Variants in BIRC6 observed in about 807,000 individuals in gnomAD.
BIRC6 encodes the protein baculoviral IAP repeat containing 6.
A neutral mutation model predicts 503.3 loss-of-function variants in BIRC6; 98 were observed. That is an observed-to-expected ratio of 0.19 (90% CI 0.17 to 0.23). The LOEUF (loss-of-function observed/expected upper bound fraction) is 0.23. Among genes scored for constraint, BIRC6 ranks in the 10% least tolerant of loss-of-function variants. The pLI, the probability that BIRC6 is intolerant of heterozygous loss-of-function variation, is 1.00. For synonymous variants in BIRC6, 2,240 were observed against 2,078.7 expected, an observed-to-expected ratio of 1.08 and a Z score of -2.11; for missense variants, 5,360 against 5,806.0, an observed-to-expected ratio of 0.92 and a Z score of 2.50.
chr2:32,562,594 T>G (rs1244078418), intron 65 of BIRC6, among the ~76,000 whole-genome samples: 3 of 152,232 alleles, frequency 2.0e-5, no homozygotes, highest in African/African-American at 7.2e-5. Context: ...CTATTAATCC[T>G]GCATCCCTTC....
In BIRC6 at chr2:32,607,070, G is replaced by C. The variant is rs189119275; in HGVS notation, c.14071-385G>C. ...ATGCTCCTTAAGAACAGTTTGAGCA[G>C]AATGTTGCTATGAGTTGTTTAAACT... is the stretch of plus-strand genomic sequence containing the variant. On this transcript the variant is annotated intron_variant, in intron 71 of 73. Coordinates refer to ENST00000421745, the MANE Select transcript of BIRC6 (RefSeq NM_016252.4). Among the ~76,000 whole-genome samples the C allele has an allele frequency of 1.8e-3, 268 of 149,306 alleles. 2 individuals are homozygous for C. Among genetic ancestry groups the C allele is most frequent in the African/African-American group, 4.7e-3 (191 of 40,602 alleles).
intron 9 of BIRC6, among the ~76,000 whole-genome samples, chr2:32,409,986 G>C (rs560739911): frequency 1.3e-5 from 2 of 152,256 alleles, no homozygotes; most frequent in African/African-American, 4.8e-5. Context: ...AAGCAGCAAA[G>C]TAATAATGCC....
At chr2:32,359,822 G>T (rs1432114520) in intron 1 of BIRC6, among the ~76,000 whole-genome samples, 2 of 152,140 alleles carry the variant, frequency 1.3e-5, no homozygotes, top group Non-Finnish European at 2.9e-5. Flanking sequence ...TCCCACCTCA[G>T]CCTCCCAAAG....
intron 9 of BIRC6, among the ~76,000 whole-genome samples, chr2:32,410,045 A>G (rs2041683186): frequency 6.6e-6 from 1 of 152,188 alleles, no homozygotes; most frequent in South Asian, 2.1e-4. Context: ...CATACCATTT[A>G]CTTTGAATAT....
At chr2:32,495,902 A>G (rs2052401952) in intron 45 of BIRC6, among the ~76,000 whole-genome samples, 1 of 147,804 alleles carries the variant, frequency 6.8e-6, no homozygotes, top group Admixed American at 6.9e-5. Flanking sequence ...CAGTGGTACG[A>G]TCTCGGCTCA....
At chr2:32,437,823 T>A (rs1409136375) in intron 15 of BIRC6, among the ~76,000 whole-genome samples, 4 of 152,196 alleles carry the variant, frequency 2.6e-5, no homozygotes, top group Admixed American at 1.3e-4. Context: ...GTTTTCGAGA[T>A]GTTATGTGTT....
intron 50 of BIRC6, among the ~76,000 whole-genome samples, chr2:32,506,591 C>T (rs935736474): frequency 5.3e-5 from 8 of 152,174 alleles, no homozygotes; most frequent in African/African-American, 1.9e-4. Context: ...TGAAGTTCAG[C>T]TGGATTTTTC....
intron 3 of BIRC6, among the ~76,000 whole-genome samples, chr2:32,381,694 C>A (rs1305559107): frequency 6.6e-6 from 1 of 152,016 alleles, no homozygotes; most frequent in South Asian, 2.1e-4. Flanking sequence ...TATAGGCACA[C>A]GCCACCATGC....
Position 32,529,815 on chromosome 2 carries a change from C to G in BIRC6, c.12085C>G (p.Pro4029Ala). The change falls in exon 60 of 74, where the codon CCT becomes GCT. Residue 4029 changes from proline to alanine, a missense_variant. Coordinates refer to ENST00000421745, the MANE Select transcript of BIRC6 (RefSeq NM_016252.4). ...SKTDSYKRLH[P>A]EKDHGDLLAS... is the part of the protein sequence containing the mutation. ...AACAGATTCTTATAAAAGACTACACCCTGAAAAAGGTATGTGCATAATACT... is the reference window on the plus strand; with the variant it reads ...AACAGATTCTTATAAAAGACTACACGCTGAAAAAGGTATGTGCATAATACT... 6.2e-7 allele frequency: 1 copy of G among 1,602,518 alleles called. No homozygotes were observed. The highest frequency in any genetic ancestry group is 8.5e-7 in the Non-Finnish European group (1 of 1,174,446).
At chr2:32,468,924 A>T in intron 29 of BIRC6, 141 bp downstream of exon 29, 3 of 664,828 alleles carry the variant, frequency 4.5e-6, no homozygotes, top group Non-Finnish European at 4.9e-6. Context: ...ATGTCTCTTT[A>T]GGTTAATCTA....
At chr2:32,445,363 G>A (rs151208072) in intron 20 of BIRC6, among the ~76,000 whole-genome samples, 158 bp from the exon 21 acceptor site, 230 of 152,302 alleles carry the variant, frequency 1.5e-3, no homozygotes, top group African/African-American at 5.2e-3. Context: ...ATCCCTCCAA[G>A]GAGTTATCTT....
At position 32,468,034 on chromosome 2, in the gene BIRC6, G is replaced by C. The variant is rs1273251896; in HGVS notation, c.5703G>C (p.Glu1901Asp). The stretch of plus-strand genomic sequence containing the variant: ...TAATGCATGATCCTCTAAAGGGAGA[G>C]GGAGAATCTGCAAACCAGCCAGAAA... ...LKLMHDPLKG[E>D]GESANQPEID... The change falls in exon 28 of 74, where the codon GAG becomes GAC. Residue 1901 changes from glutamate (E) to aspartate (D), a missense_variant. This residue lies in a region of BIRC6 where 2,299 missense variants were observed against 2,267.2 expected (regional missense o/e 1.01). Coordinates refer to ENST00000421745, the MANE Select transcript of BIRC6 (RefSeq NM_016252.4). 45 of 1,613,740 alleles carry C rather than the reference G, an allele frequency of 2.8e-5. No homozygotes were observed. The highest frequency in any genetic ancestry group is 3.8e-5 in the Non-Finnish European group (45 of 1,179,846).
intron 44 of BIRC6, among the ~76,000 whole-genome samples, chr2:32,491,970 TAAC>T (rs960879869): frequency 1.3e-5 from 2 of 152,136 alleles, no homozygotes; most frequent in African/African-American, 2.4e-5. Flanking sequence ...TAGCAAAAGA[TAAC>T]AATATTGCTC....
chr2:32,613,433 T>C (rs187136501), intron 73 of BIRC6, among the ~76,000 whole-genome samples: 1 of 152,152 alleles, frequency 6.6e-6, no homozygotes, highest in East Asian at 1.9e-4. Flanking sequence ...CAGCCTGGAG[T>C]GCAGTGGCTT....
intron 65 of BIRC6, among the ~76,000 whole-genome samples, chr2:32,559,870 G>A (rs991935684): frequency 2.6e-5 from 4 of 152,036 alleles, no homozygotes; most frequent in Non-Finnish European, 5.9e-5. Flanking sequence ...AAAAAAATTA[G>A]CCAGGTGTAG....
At position 32,392,026 on chromosome 2, in the gene BIRC6, T is replaced by C. The variant is rs1400582456; in HGVS notation, c.840-13T>C. On this transcript the variant is annotated splice_polypyrimidine_tract_variant and intron_variant, in intron 4 of 73. Transcript: ENST00000421745. ...TGCCTAACTTCAATTACATAAAGTATGTTTACTTTTAGATCACTGATGTAT... is the reference window on the plus strand; with the variant it reads ...TGCCTAACTTCAATTACATAAAGTACGTTTACTTTTAGATCACTGATGTAT... 2 of 1,457,866 alleles carry C rather than the reference T, an allele frequency of 1.4e-6. No individual in the cohort carries two copies. The highest frequency in any genetic ancestry group is 2.4e-5 in the East Asian group (1 of 42,216). The allele number at this position is 1,457,866 out of a possible 1,614,324, so 90.3% of individuals were successfully genotyped here.
chr2:32,436,077 A>G lies in BIRC6; in HGVS notation c.3524A>G (p.Glu1175Gly). ...GGTCTTAGATTATGTCCATTTTTGG[A>G]GGATCATAAAGAAGACATTCTATGT... ...SQCLRLCPFLEDHKEDILCGP... is the reference protein window; with the variant it reads ...SQCLRLCPFLGDHKEDILCGP... Residue 1175 changes from glutamate to glycine, a missense_variant, in exon 15 of 74, where the codon GAG becomes GGG. By Grantham distance (98) the Glu-to-Gly change is moderately conservative. This residue lies in a region of BIRC6 where 2,299 missense variants were observed against 2,267.2 expected (regional missense o/e 1.01). Transcript: ENST00000421745. 1 of 1,438,478 alleles carries G rather than the reference A, an allele frequency of 7.0e-7. No homozygotes were observed. The highest frequency in any genetic ancestry group is 9.3e-7 in the Non-Finnish European group (1 of 1,078,928). 89.1% of individuals were successfully genotyped at this position (1,438,478 alleles called of 1,614,324 possible).
chr2:32,603,133 A>G (rs1167904674), intron 71 of BIRC6, 50 bp downstream of exon 71: 1 of 1,476,192 alleles, frequency 6.8e-7, no homozygotes, highest in Admixed American at 2.2e-5. Context: ...AGAACTGTGT[A>G]GTATTTTAAA....
At chr2:32,399,716 A>G (rs2040389322) in intron 6 of BIRC6, among the ~76,000 whole-genome samples, 1 of 152,168 alleles carries the variant, frequency 6.6e-6, no homozygotes, top group Non-Finnish European at 1.5e-5. Context: ...ATTTGAGATA[A>G]TTCTTAAAGT....
Sources: allele counts gnomAD v4.1 joint callset (sites outside exome capture counted in the v4.1 genomes callset), GRCh38; gene constraint gnomAD v4.1.1; regional missense constraint gnomAD v4.1.1; transcripts MANE v1.5; gene names NCBI Gene and HGNC (gene_info 2026-07-23, HGNC 2026-07-21).